The following VPS13B variants were observed in gnomAD, a reference collection of about 807,000 sequenced individuals.
VPS13B encodes the protein intermembrane lipid transfer protein VPS13B.
VPS13B carries 285 observed loss-of-function variants against 426.4 expected under a neutral mutation model. The observed-to-expected ratio is 0.67, with a 90% CI of 0.61 to 0.74. The LOEUF (loss-of-function observed/expected upper bound fraction) is 0.74. Ranked by LOEUF, VPS13B falls within the 30% of genes least tolerant of loss-of-function variation. VPS13B has a pLI of 0.00. For synonymous variants in VPS13B, 1,676 were observed against 1,676.4 expected (o/e 1.00, Z 0.01); for missense variants, 4,537 against 4,782.6 (o/e 0.95, Z 1.51).
chr8:99,549,455 C>T (rs978555366), intron 30 of VPS13B, among the ~76,000 whole-genome samples: 3 of 151,970 alleles, frequency 2.0e-5, no homozygotes, highest in South Asian at 2.1e-4. Flanking sequence ...TTTTTCCTGA[C>T]AATTTTTGAA....
rs753256554 is a variant in VPS13B at position 99,721,056 on chromosome 8, T to C, written c.7050+9T>C. ...TTGGTGATGTGCTACAGGTATGTAATGACCATTCATTGTAAAATGAAAACA... is the reference window on the plus strand; with the variant it reads ...TTGGTGATGTGCTACAGGTATGTAACGACCATTCATTGTAAAATGAAAACA... On this transcript the variant is annotated intron_variant, in intron 39 of 61. Transcript: ENST00000357162. 1.2e-6 allele frequency: 2 copies of C among 1,613,734 alleles called. No individual in the cohort carries two copies. Among genetic ancestry groups the C allele is most frequent in the East Asian group, 4.5e-5 (2 of 44,852 alleles).
intron 21 of VPS13B, 115 bp from the exon 22 acceptor site, chr8:99,431,422 A>G: frequency 7.7e-7 from 1 of 1,298,360 alleles, no homozygotes; most frequent in South Asian, 1.3e-5. Flanking sequence ...TCATAATCTC[A>G]TATAAAAATT....
intron 50 of VPS13B, 152 bp downstream of exon 50, chr8:99,821,634 C>G: frequency 2.1e-6 from 2 of 947,636 alleles, no homozygotes; most frequent in Middle Eastern, 4.5e-4. Flanking sequence ...ACTTCTTAGA[C>G]CTCTGTTTTA....
At chr8:99,653,296 C>A (rs942434760) in intron 34 of VPS13B, among the ~76,000 whole-genome samples, 1 of 152,080 alleles carries the variant, frequency 6.6e-6, no homozygotes, top group Non-Finnish European at 1.5e-5. Context: ...AGTGCCCTGG[C>A]CTTTGTGACT....
chr8:99,574,482 C>A (rs1157458529), intron 31 of VPS13B, among the ~76,000 whole-genome samples: 2 of 152,108 alleles, frequency 1.3e-5, no homozygotes, highest in Non-Finnish European at 2.9e-5. Context: ...CCCATCAATA[C>A]CTAATTTATT....
intron 51 of VPS13B, among the ~76,000 whole-genome samples, chr8:99,830,292 C>T (rs922213666): frequency 7.2e-5 from 11 of 152,182 alleles, no homozygotes; most frequent in Non-Finnish European, 1.3e-4. Context: ...TCAGAGATGC[C>T]CTGCTCAGAG....
At chr8:99,313,841 G>T (rs1821154114) in intron 19 of VPS13B, among the ~76,000 whole-genome samples, 1 of 152,134 alleles carries the variant, frequency 6.6e-6, no homozygotes, top group African/African-American at 2.4e-5. Flanking sequence ...TGGCCGCTTT[G>T]TTTACCTACT....
At position 99,876,645 on chromosome 8, in the gene VPS13B, G is replaced by C. The variant is rs1163455099; in HGVS notation, c.*979G>C. The C allele has an allele frequency of 6.6e-6, 1 of 152,144 alleles. No individual in the cohort carries two copies. Among genetic ancestry groups the C allele is most frequent in the Non-Finnish European group, 1.5e-5 (1 of 68,010 alleles). 9.4% of individuals were successfully genotyped at this position (152,144 alleles called of 1,614,324 possible). A position where few individuals can be genotyped will look rare whatever the true frequency, so the allele number is the denominator to read the frequency against. Reference sequence around the variant, plus strand: ...TTGACAAAGCATGAAGATATTCCCAGTGTCTGTCTGATAATATTTTGCATC... The same window carrying C: ...TTGACAAAGCATGAAGATATTCCCACTGTCTGTCTGATAATATTTTGCATC... On this transcript the variant is annotated 3_prime_UTR_variant, in exon 62 of 62. Coordinates refer to ENST00000357162, the MANE Select transcript of VPS13B (RefSeq NM_152564.5).
At chr8:99,851,783 G>A (rs1174097878) in intron 55 of VPS13B, among the ~76,000 whole-genome samples, 2 of 152,094 alleles carry the variant, frequency 1.3e-5, no homozygotes, top group African/African-American at 4.8e-5. Context: ...GACCTCATGG[G>A]CCATTGAAGG....
At chr8:99,224,089 A>G (rs1815882468) in intron 17 of VPS13B, among the ~76,000 whole-genome samples, 1 of 152,168 alleles carries the variant, frequency 6.6e-6, no homozygotes, top group African/African-American at 2.4e-5. Flanking sequence ...ATAGAAAGGA[A>G]GACTTTAGGT....
At chr8:99,172,654 T>C (rs1300529418) in intron 16 of VPS13B, among the ~76,000 whole-genome samples, 1 of 152,158 alleles carries the variant, frequency 6.6e-6, no homozygotes, top group Non-Finnish European at 1.5e-5. Flanking sequence ...CCCAGTATGC[T>C]TTTTGCCTAT....
intron 21 of VPS13B, among the ~76,000 whole-genome samples, chr8:99,400,086 G>C (rs553694099): frequency 3.7e-4 from 56 of 152,196 alleles, no homozygotes; most frequent in South Asian, 6.2e-4. Flanking sequence ...TTACTTTGAA[G>C]GTAGAGCATA....
At chr8:99,314,938 A>G (rs1246235110) in intron 19 of VPS13B, among the ~76,000 whole-genome samples, 1 of 152,176 alleles carries the variant, frequency 6.6e-6, no homozygotes. Flanking sequence ...TAATATAAGT[A>G]TAGCTGTTCC....
intron 33 of VPS13B, among the ~76,000 whole-genome samples, chr8:99,631,461 T>A (rs542864972): frequency 6.6e-6 from 1 of 152,180 alleles, no homozygotes; most frequent in Non-Finnish European, 1.5e-5. Context: ...CAGTCGTGAG[T>A]GTCATGCCCC....
chr8:99,498,226 A>C (rs1171244453), intron 25 of VPS13B, among the ~76,000 whole-genome samples: 1 of 152,156 alleles, frequency 6.6e-6, no homozygotes. Flanking sequence ...GAACACTTTG[A>C]AATTGCAGGT....
At chr8:99,424,849 A>G (rs1341806290) in intron 21 of VPS13B, among the ~76,000 whole-genome samples, 1 of 152,144 alleles carries the variant, frequency 6.6e-6, no homozygotes, top group East Asian at 1.9e-4. Flanking sequence ...AGAGAGAAGA[A>G]TCAAATAGAC....
At chr8:99,701,446 C>T (rs966840881) in intron 36 of VPS13B, among the ~76,000 whole-genome samples, 2 of 152,076 alleles carry the variant, frequency 1.3e-5, no homozygotes, top group African/African-American at 4.8e-5. Flanking sequence ...ATTAGTTACT[C>T]ATATTTTATC....
At chr8:99,100,074 C>T (rs1333603348) in intron 4 of VPS13B, among the ~76,000 whole-genome samples, 2 of 152,068 alleles carry the variant, frequency 1.3e-5, no homozygotes, top group East Asian at 1.9e-4. Context: ...TTGTACCTTG[C>T]TTAGAACTAA....
chr8:99,431,759 A>T, intron 22 of VPS13B, 95 bp downstream of exon 22: 1 of 1,271,886 alleles, frequency 7.9e-7, no homozygotes, highest in Non-Finnish European at 1.1e-6. Flanking sequence ...CTCACATGTA[A>T]CAATTATGTA....
Sources: allele counts gnomAD v4.1 joint callset (sites outside exome capture counted in the v4.1 genomes callset), GRCh38; gene constraint gnomAD v4.1.1; transcripts MANE v1.5; gene names NCBI Gene and HGNC (gene_info 2026-07-23, HGNC 2026-07-21).